The following CHIA variants were observed in gnomAD, a reference collection of about 807,000 sequenced individuals.
CHIA encodes the protein acidic mammalian chitinase.
Under a neutral mutation model 53.5 loss-of-function variants are expected in CHIA, and 47 were observed. The ratio of observed to expected loss-of-function variants is 0.88; its 90% CI spans 0.70 to 1.12. The LOEUF is 1.12. CHIA is among the 50% of genes most tolerant of loss of function. The probability of loss-of-function intolerance (pLI) is 0.00; values close to 1 mark genes in which losing one functional copy is unlikely to be tolerated. For synonymous variants in CHIA, 268 were observed against 222.2 expected (o/e 1.21, Z -1.83); for missense variants, 652 against 592.2 (o/e 1.10, Z -1.05).
intron 1 of CHIA, among the ~76,000 whole-genome samples, chr1:111,309,334 T>C (rs1387551714): frequency 2.0e-5 from 3 of 152,238 alleles, no homozygotes; most frequent in African/African-American, 2.4e-5. Flanking sequence ...TCACAAGAAC[T>C]CTGCTAAGGT....
chr1:111,296,328 T>A (rs563943544), intron 1 of CHIA, among the ~76,000 whole-genome samples: 1 of 151,956 alleles, frequency 6.6e-6, no homozygotes, highest in Non-Finnish European at 1.5e-5. Flanking sequence ...TGACACCTCA[T>A]ACAGGTGGGA....
At position 111,293,799 on chromosome 1, in the gene CHIA, G is replaced by A. The variant is rs529282330; in HGVS notation, c.-69+2849G>A. Among the ~76,000 whole-genome samples the A allele has an allele frequency of 3.9e-4, 60 of 152,300 alleles. No homozygotes were observed. The East Asian group carries it at 0.01, about 26-fold the overall frequency. On this transcript the variant is annotated intron_variant, in intron 1 of 11. Transcript: ENST00000369740. Reference sequence around the variant, plus strand: ...AAAATGGCCCAAAAACATCAATGGGGCCAGATGTGGTGGCTCATGCTTATA... The same window carrying A: ...AAAATGGCCCAAAAACATCAATGGGACCAGATGTGGTGGCTCATGCTTATA...
intron 1 of CHIA, among the ~76,000 whole-genome samples, chr1:111,301,806 A>G (rs1455798328): frequency 4.6e-5 from 7 of 152,072 alleles, no homozygotes; most frequent in African/African-American, 1.4e-4. Flanking sequence ...TCACAAGGAC[A>G]GAAAACCATA....
chr1:111,311,601 C>T (rs6537695), intron 2 of CHIA, 88 bp from the exon 3 acceptor site: 864,355 of 1,474,954 alleles, frequency 0.59, 258,080 homozygotes, highest in East Asian at 0.84. Flanking sequence ...CAATTTATGG[C>T]AAATTGGAAG....
At chr1:111,294,750 A>T (rs184097216) in intron 1 of CHIA, among the ~76,000 whole-genome samples, 5 of 152,264 alleles carry the variant, frequency 3.3e-5, no homozygotes, top group Admixed American at 2.6e-4. Context: ...ATGAGAGGGT[A>T]TTAACTTTTG....
rs543278337 is a variant in CHIA at position 111,302,539 on chromosome 1, A to C, written c.-68-7861A>C. On this transcript the variant is annotated intron_variant, in intron 1 of 11. Coordinates refer to ENST00000369740, the MANE Select transcript of CHIA (RefSeq NM_201653.4). ...ATTAAGAGTGTGTTGTTTAGTTTCC[A>C]CAAATTGGTGGCTTCTACAGTTTCA... 1.3e-4 allele frequency among the ~76,000 whole-genome samples: 20 copies of C among 152,254 alleles called. No individual in the cohort carries two copies. The South Asian group carries it at 4.2e-3, about 32-fold the overall frequency.
chr1:111,317,855 A>T (rs769372725), intron 7 of CHIA, 50 bp downstream of exon 7: 1 of 1,612,642 alleles, frequency 6.2e-7, no homozygotes, highest in Admixed American at 1.7e-5. Context: ...ACTCGGGCAC[A>T]CTAGACTTGT....
chr1:111,294,760 G>A (rs11578209), intron 1 of CHIA, among the ~76,000 whole-genome samples: 42,328 of 151,842 alleles, frequency 0.28, 6,179 homozygotes, highest in East Asian at 0.36. Context: ...ATTAACTTTT[G>A]GCAAATACTT....
chr1:111,301,507 G>T (rs1270937977), intron 1 of CHIA, among the ~76,000 whole-genome samples: 1 of 151,916 alleles, frequency 6.6e-6, no homozygotes, highest in African/African-American at 2.4e-5. Context: ...AGACCATCCT[G>T]GCTAACACAG....
intron 11 of CHIA, among the ~76,000 whole-genome samples, chr1:111,319,763 A>G (rs1300980353): frequency 6.6e-6 from 1 of 152,214 alleles, no homozygotes; most frequent in Non-Finnish European, 1.5e-5. Flanking sequence ...CTTCTCTATG[A>G]ATCCCTTATT....
intron 6 of CHIA, 90 bp from the exon 7 acceptor site, chr1:111,317,591 G>T (rs1183616989): frequency 5.7e-5 from 81 of 1,418,380 alleles, no homozygotes. Context: ...TTAAGAGAGA[G>T]AAGCATTATA....
At chr1:111,292,382 C>T (rs567064631) in intron 1 of CHIA, among the ~76,000 whole-genome samples, 48 of 152,232 alleles carry the variant, frequency 3.2e-4, no homozygotes, top group East Asian at 2.3e-3. Flanking sequence ...AGAGACCATG[C>T]TGATATTCTG....
intron 1 of CHIA, among the ~76,000 whole-genome samples, chr1:111,309,209 T>C (rs1187788807): frequency 2.0e-5 from 3 of 152,204 alleles, no homozygotes; most frequent in African/African-American, 7.2e-5. Flanking sequence ...TGGCAGCACT[T>C]CTATTAGACT....
chr1:111,315,123 G>C, intron 5 of CHIA, 147 bp from the exon 6 acceptor site: 1 of 649,808 alleles, frequency 1.5e-6, no homozygotes, highest in Non-Finnish European at 2.8e-6. Flanking sequence ...TGATTACAAA[G>C]GAAGGAGAGG....
chr1:111,307,678 G>A lies in CHIA; in HGVS notation c.-68-2722G>A, dbSNP rs1225986431. On this transcript the variant is annotated intron_variant, in intron 1 of 11. Coordinates refer to ENST00000369740, the MANE Select transcript of CHIA (RefSeq NM_201653.4). ...TTTCTTGAGATGGATTCTCGCTGTC[G>A]TCACCTGAGCTGGAGTGCAATGGCA... 2.0e-5 allele frequency among the ~76,000 whole-genome samples: 3 copies of A among 148,646 alleles called. 1 individual carries two copies. The highest frequency in any genetic ancestry group is 1.5e-5 in the Non-Finnish European group (1 of 67,424).
In CHIA at chr1:111,312,226, G is replaced by A. The variant is rs780134341; in HGVS notation, c.92G>A (p.Trp31Ter). The change falls in exon 4 of 12, where the codon TGG (tryptophan) becomes TAG (stop). Residue 31 changes from tryptophan to a stop codon, truncating the protein, a stop_gained. Coordinates refer to ENST00000369740, the MANE Select transcript of CHIA (RefSeq NM_201653.4). LOFTEE classifies it high-confidence loss of function. ...CAGCTGACATGCTACTTCACCAACT[G>A]GGCCCAGTACCGGCCAGGCCTGGGG... ...AYQLTCYFTN[W>*]AQYRPGLGRF... 8.7e-6 allele frequency: 14 copies of A among 1,614,064 alleles called. No homozygotes were observed. The South Asian group carries it at 1.4e-4, about 16-fold the overall frequency.
intron 1 of CHIA, among the ~76,000 whole-genome samples, chr1:111,302,758 A>G (rs1647862613): frequency 6.6e-6 from 1 of 152,144 alleles, no homozygotes; most frequent in South Asian, 2.1e-4. Context: ...TATATCTCTT[A>G]CATCTAGTTG....
At chr1:111,313,405 G>A (rs1648867879) in intron 4 of CHIA, among the ~76,000 whole-genome samples, 1 of 152,270 alleles carries the variant, frequency 6.6e-6, no homozygotes, top group South Asian at 2.1e-4. Context: ...GATTAGTGAT[G>A]TTGAGCATTT....
At chr1:111,307,809 T>A (rs1648312101) in intron 1 of CHIA, among the ~76,000 whole-genome samples, 1 of 152,052 alleles carries the variant, frequency 6.6e-6, no homozygotes, top group African/African-American at 2.4e-5. Context: ...ACCCAGCTAA[T>A]TTTTGTATTT....
Sources: gnomAD v4.1 joint callset for allele counts (sites outside exome capture counted in the v4.1 genomes callset) on GRCh38, gnomAD v4.1.1 for gene constraint, MANE v1.5 for transcripts, NCBI Gene and HGNC (gene_info 2026-07-23, HGNC 2026-07-21) for gene names.